Variants in P2RX6 observed in about 807,000 individuals in gnomAD.
P2RX6 encodes purinergic receptor P2X 6.
P2RX6 carries 62 observed loss-of-function variants against 54.2 expected under a neutral mutation model. The observed-to-expected ratio is 1.14, with a 90% confidence interval of 0.93 to 1.41. The LOEUF (loss-of-function observed/expected upper bound fraction) is 1.41. Among genes scored for constraint, P2RX6 ranks in the 40% most tolerant of loss-of-function variants. The probability of loss-of-function intolerance (pLI) is 0.00; values close to 1 mark genes in which losing one functional copy is unlikely to be tolerated. For missense variants in P2RX6, 541 were observed against 566.3 expected, an observed-to-expected ratio of 0.96 and a Z score of 0.45; for synonymous variants, 211 against 231.9, an observed-to-expected ratio of 0.91 and a Z score of 0.82.
chr22:21,012,490 C>A, upstream of P2RX6: 1 of 532,742 alleles, frequency 1.9e-6, no homozygotes, highest in Non-Finnish European at 3.6e-6. Context: ...AAAGGGAGGA[C>A]TCACGCCTGC....
Position 21,027,224 on chromosome 22 carries a change from G to C in P2RX6, c.*607G>C, listed in dbSNP as rs1481951274. The C allele has an allele frequency of 6.5e-6, 1 of 153,534 alleles. No individual in the cohort carries two copies. Among genetic ancestry groups the C allele is most frequent in the Non-Finnish European group, 1.4e-5 (1 of 69,032 alleles). The allele number at this position is 153,534 out of a possible 1,614,324, so 9.5% of individuals were successfully genotyped here. A position where few individuals can be genotyped will look rare whatever the true frequency, so the allele number is the denominator to read the frequency against. Reference sequence around the variant, plus strand: ...AGATAATCCACCTCCCTATCCCCCAGGCAAGGGCGGAGCATGTGTCTTGGG... The same window carrying C: ...AGATAATCCACCTCCCTATCCCCCACGCAAGGGCGGAGCATGTGTCTTGGG... On this transcript the variant is annotated 3_prime_UTR_variant, in exon 12 of 12. Transcript: ENST00000413302.
Position 21,023,416 on chromosome 22 carries a change from G to T in P2RX6, c.780G>T (p.Leu260=), listed in dbSNP as rs368526868. Residue 260 remains leucine, a splice_region_variant and synonymous_variant, in exon 7 of 12, where the codon CTG becomes CTT. Transcript: ENST00000413302. ...AGGTFEDLAL[L]GGSVGIRVHW... The stretch of plus-strand genomic sequence containing the variant: ...GGACCTTCGAGGACCTGGCGTTGCT[G>T]GTGGGTCCCAAGTTGGGGGCAGGGT... The T allele has an allele frequency of 4.3e-6, 7 of 1,613,902 alleles. No individual in the cohort carries two copies. The highest frequency in any genetic ancestry group is 5.9e-6 in the Non-Finnish European group (7 of 1,179,892).
upstream of P2RX6, chr22:21,011,510 G>T: frequency 1.4e-6 from 1 of 713,552 alleles, no homozygotes; most frequent in Non-Finnish European, 2.6e-6. Flanking sequence ...TGCATCTTCC[G>T]CATGGCCTGG....
chr22:21,026,099 C>G lies in P2RX6; in HGVS notation c.1050+23C>G, dbSNP rs373578467. 575 of 1,601,890 alleles carry G rather than the reference C, an allele frequency of 3.6e-4. 2 individuals carry two copies. The highest frequency in any genetic ancestry group is 1.8e-4 in the Non-Finnish European group (207 of 1,174,838). On this transcript the variant is annotated intron_variant, in intron 10 of 11. Transcript: ENST00000413302. This position sits in a 1 kb window ranked among gnomAD's most constrained non-coding sequence, Gnocchi z 4.0. ...GTGGTGAGTGCGAGCACTGTGGGCA[C>G]CTGCAGGCTGCAGTGAGTGCTGCTG...
upstream of P2RX6, chr22:21,015,141 T>G: frequency 7.3e-7 from 1 of 1,373,030 alleles, no homozygotes; most frequent in Non-Finnish European, 9.7e-7. Flanking sequence ...CTTTGCCTCC[T>G]GTTCAGCTGC....
chr22:21,017,933 C>T (rs553735870), intron 2 of P2RX6, 56 bp from the exon 3 acceptor site: 189 of 1,141,200 alleles, frequency 1.7e-4, no homozygotes, highest in East Asian at 6.7e-4. Context: ...TGCCGGCTTC[C>T]GGCCTTTCCA....
upstream of P2RX6, chr22:21,014,177 T>A (rs144044623): frequency 5.4e-4 from 84 of 155,964 alleles, no homozygotes; most frequent in East Asian, 0.012. Context: ...CTCTTCCTCC[T>A]GCTTTTTATC....
chr22:21,025,671 G>A (rs905968052), intron 8 of P2RX6, 134 bp from the exon 9 acceptor site: 3 of 652,454 alleles, frequency 4.6e-6, no homozygotes, highest in Middle Eastern at 2.6e-4. Flanking sequence ...AATTACATAG[G>A]GCTGAGACCC....
chr22:21,022,895 AG>A, intron 4 of P2RX6, 46 bp from the exon 5 acceptor site: 2 of 1,570,688 alleles, frequency 1.3e-6, no homozygotes, highest in Non-Finnish European at 1.8e-6. Flanking sequence ...AGGCCTCCCC[AG>A]GCCTGCAGAG....
intron 3 of P2RX6, 25 bp from the exon 4 acceptor site, chr22:21,022,651 G>A (rs2148058009): frequency 6.7e-7 from 1 of 1,489,608 alleles, no homozygotes; most frequent in Non-Finnish European, 9.0e-7. Context: ...TGTGCCATTG[G>A]TGACTGCTCT....
At chr22:21,019,277 C>T (rs746420324) in intron 3 of P2RX6, among the ~76,000 whole-genome samples, 17 of 152,090 alleles carry the variant, frequency 1.1e-4, no homozygotes, top group Non-Finnish European at 2.2e-4. Context: ...ATCCCATGTC[C>T]GTAGTTGGAA....
In P2RX6 at chr22:21,027,089, CA is replaced by C; in HGVS notation, c.*477del. 2 of 166,690 alleles carry C rather than the reference CA, an allele frequency of 1.2e-5. No individual in the cohort carries two copies. The highest frequency in any genetic ancestry group is 5.8e-5 in the Admixed American group (1 of 17,350). 10.3% of individuals were successfully genotyped at this position (166,690 alleles called of 1,614,324 possible). ...CTACATGGGGCTGTGCAGCTGGAGCCAAAAAGGCAAGGTAGAAAGAGGAGTG... is the reference window on the plus strand; with the variant it reads ...CTACATGGGGCTGTGCAGCTGGAGCCAAAAGGCAAGGTAGAAAGAGGAGTG... On this transcript the variant is annotated 3_prime_UTR_variant, in exon 12 of 12. Coordinates refer to ENST00000413302, the MANE Select transcript of P2RX6 (RefSeq NM_005446.5).
intron 3 of P2RX6, among the ~76,000 whole-genome samples, chr22:21,020,479 C>T (rs1927155998): frequency 6.6e-6 from 1 of 152,088 alleles, no homozygotes; most frequent in Non-Finnish European, 1.5e-5. Flanking sequence ...ATCTCCCATA[C>T]TTCAAAGACC....
Position 21,026,359 on chromosome 22 carries a change from G to GA in P2RX6, c.1128+30_1128+31insA. 6.3e-7 allele frequency: 1 copy of GA among 1,591,040 alleles called. No individual in the cohort carries two copies. The highest frequency in any genetic ancestry group is 2.3e-5 in the East Asian group (1 of 44,006). ...GCTGAGGTCGCTCTGCTTGGACCCT[G>GA]GGTTCTGCCACACTTAGGAAGATGT... is the stretch of plus-strand genomic sequence containing the variant. On this transcript the variant is annotated intron_variant, in intron 11 of 11. Transcript: ENST00000413302. This position sits in a 1 kb window ranked among gnomAD's most constrained non-coding sequence, Gnocchi z 4.0.
At chr22:21,016,751 G>A (rs963607564) in intron 2 of P2RX6, among the ~76,000 whole-genome samples, 3 of 151,982 alleles carry the variant, frequency 2.0e-5, no homozygotes, top group African/African-American at 4.8e-5. Context: ...GGGGCACTAC[G>A]GTCAGGTGCT....
chr22:21,015,936 C>G lies in P2RX6; in HGVS notation c.165-6C>G. The G allele has an allele frequency of 6.5e-7, 1 of 1,549,528 alleles. No homozygotes were observed. The highest frequency in any genetic ancestry group is 8.7e-7 in the Non-Finnish European group (1 of 1,146,818). ...CACACCACACTGCCCGACTTCTCCT[C>G]CCCAGGTGGGCTCTCCTCGCCAAAA... is the stretch of plus-strand genomic sequence containing the variant. On this transcript the variant is annotated splice_polypyrimidine_tract_variant and splice_region_variant and intron_variant, in intron 1 of 11. Coordinates refer to ENST00000413302, the MANE Select transcript of P2RX6 (RefSeq NM_005446.5).
chr22:21,026,006 C>T lies in P2RX6; in HGVS notation c.985-5C>T, dbSNP rs1184502894. On this transcript the variant is annotated splice_polypyrimidine_tract_variant and splice_region_variant and intron_variant, in intron 9 of 11. Coordinates refer to ENST00000413302, the MANE Select transcript of P2RX6 (RefSeq NM_005446.5). This position sits in a 1 kb window ranked among gnomAD's most constrained non-coding sequence, Gnocchi z 4.0. ...GCTGAGAGGTTCAGCTCAGATCTCT[C>T]TCAGGCAGGGAAGTTCGGGCTCATC... 6.2e-7 allele frequency: 1 copy of T among 1,609,548 alleles called. No individual in the cohort carries two copies. The highest frequency in any genetic ancestry group is 1.3e-5 in the African/African-American group (1 of 74,860).
chr22:21,011,821 T>C (rs412233), upstream of P2RX6, among the ~76,000 whole-genome samples: 133,831 of 152,178 alleles, frequency 0.88, 59,004 homozygotes, highest in African/African-American at 0.94. Context: ...CGGTTAAAAC[T>C]GCCTACCTCC....
At chr22:21,015,478 G>C (rs1601743931) in intron 1 of P2RX6, 140 bp downstream of exon 1, 4 of 943,822 alleles carry the variant, frequency 4.2e-6, no homozygotes, top group Non-Finnish European at 6.2e-6. Flanking sequence ...CGGGGTTGGG[G>C]AGAGCTAGGC....
Sources: allele counts gnomAD v4.1 joint callset (sites outside exome capture counted in the v4.1 genomes callset), GRCh38; gene constraint gnomAD v4.1.1; non-coding constraint Gnocchi (gnomAD v3.1); transcripts MANE v1.5; gene names NCBI Gene and HGNC (gene_info 2026-07-23, HGNC 2026-07-21).